Variants in HMGB3 observed in about 807,000 individuals in gnomAD.
The protein encoded by HMGB3 is high mobility group box 3.
In HMGB3, 1 loss-of-function variant was observed where a neutral mutation model predicts 12.9. The observed-to-expected ratio is 0.08, with a 90% CI of 0.03 to 0.37. The LOEUF (loss-of-function observed/expected upper bound fraction) is 0.37, where lower values mean the gene tolerates loss of function less well. HMGB3 is among the 10% of genes least tolerant of loss of function. HMGB3 has a pLI of 0.99. For missense variants in HMGB3, 74 were observed against 153.3 expected, an observed-to-expected ratio of 0.48 and a Z score of 2.73; for synonymous variants, 61 against 53.9, an observed-to-expected ratio of 1.13 and a Z score of -0.57.
chrX:150,984,252 A>G (rs1255718043), intron 1 of HMGB3, among the ~76,000 whole-genome samples: 2 of 88,493 alleles, frequency 2.3e-5, no homozygotes, highest in African/African-American at 4.1e-5. Context: ...CGCCTTTGTT[A>G]TCCCGAGGAG....
rs1227085397 is a variant in HMGB3, at chrX:150,990,501, C to T, written c.*2587C>T. 1 of 110,235 alleles carries T rather than the reference C, an allele frequency of 9.1e-6. No individual in the cohort carries two copies. Among genetic ancestry groups the T allele is most frequent in the African/African-American group, 3.3e-5 (1 of 30,276 alleles). 9.1% of individuals were successfully genotyped at this position (110,235 alleles called of 1,213,427 possible). A position where few individuals can be genotyped will look rare whatever the true frequency, so the allele number is the denominator to read the frequency against. ...GATGTTACCTAAGGCTTAGGCTTAG[C>T]TTGATTTCTGGGCCCACTGTCTGTG... On this transcript the variant is annotated 3_prime_UTR_variant, in exon 5 of 5. Coordinates refer to ENST00000325307, the MANE Select transcript of HMGB3 (RefSeq NM_005342.4).
intron 2 of HMGB3, 39 bp from the exon 3 acceptor site, chrX:150,986,012 C>T: frequency 6.7e-6 from 8 of 1,186,451 alleles, no homozygotes; most frequent in Non-Finnish European, 9.1e-6. Flanking sequence ...GGTATGTGTT[C>T]ACTGCATCGA....
At position 150,987,974 on chromosome X, in the gene HMGB3, C is replaced by T. The variant is rs781834650; in HGVS notation, c.*60C>T. On this transcript the variant is annotated 3_prime_UTR_variant, in exon 5 of 5. Transcript: ENST00000325307. ...GAGTAGGGGAGCGCCGTAATTGACA[C>T]ATCTCTTATTTGAGAAGTGTCTGTT... 3 of 1,136,983 alleles carry T rather than the reference C, an allele frequency of 2.6e-6. No homozygotes were observed. Among genetic ancestry groups the T allele is most frequent in the African/African-American group, 3.6e-5 (2 of 55,326 alleles). The allele number at this position is 1,136,983 out of a possible 1,213,427, so 93.7% of individuals were successfully genotyped here. A position where few individuals can be genotyped will look rare whatever the true frequency, so the allele number is the denominator to read the frequency against.
chrX:150,985,623 A>G lies in HMGB3; in HGVS notation c.24A>G (p.Lys8=). The G allele has an allele frequency of 8.3e-7, 1 of 1,199,264 alleles. No individual in the cohort carries two copies. The highest frequency in any genetic ancestry group is 1.1e-6 in the Non-Finnish European group (1 of 891,329). Residue 8 remains lysine (K), a synonymous_variant, in exon 2 of 5, where the codon AAA becomes AAG. Transcript: ENST00000325307. ...GGATGGCTAAAGGTGACCCCAAGAAACCAAAGGGCAAGATGTCCGCTTATG... is the reference window on the plus strand; with the variant it reads ...GGATGGCTAAAGGTGACCCCAAGAAGCCAAAGGGCAAGATGTCCGCTTATG... MAKGDPK[K]PKGKMSAYAF...
At chrX:150,985,776 T>C in intron 2 of HMGB3, 27 bp downstream of exon 2, 5 of 1,170,553 alleles carry the variant, frequency 4.3e-6, no homozygotes, top group Non-Finnish European at 5.8e-6. Context: ...CCCTTCAAAC[T>C]AGTCTTAGTT....
intron 3 of HMGB3, among the ~76,000 whole-genome samples, chrX:150,986,804 C>T (rs782266064): frequency 2.7e-5 from 3 of 110,561 alleles, no homozygotes; most frequent in South Asian, 3.9e-4. Flanking sequence ...CCACCATGCC[C>T]GGCTAATTTT....
chrX:150,982,719 A>C (rs1165254526), upstream of HMGB3, among the ~76,000 whole-genome samples: 1 of 113,344 alleles, frequency 8.8e-6, no homozygotes, highest in African/African-American at 3.2e-5. Flanking sequence ...GCAGAAGCGG[A>C]ATCAGGTGGC....
At position 150,989,858 on chromosome X, in the gene HMGB3, C is replaced by G. The variant is rs1483804242; in HGVS notation, c.*1944C>G. The G allele has an allele frequency of 8.9e-6, 1 of 111,890 alleles. No homozygotes were observed. The highest frequency in any genetic ancestry group is 1.9e-5 in the Non-Finnish European group (1 of 53,234). The allele number at this position is 111,890 out of a possible 1,213,427, so 9.2% of individuals were successfully genotyped here. On this transcript the variant is annotated 3_prime_UTR_variant, in exon 5 of 5. Transcript: ENST00000325307. ...GGTGTCCTCTCCGCCCTGTCGGGTC[C>G]TGGATGAGTACGAGTTATGGTCACG...
chrX:150,988,002 C>T lies in HMGB3; in HGVS notation c.*88C>T. 2.8e-6 allele frequency: 3 copies of T among 1,070,522 alleles called. No homozygotes were observed. Among genetic ancestry groups the T allele is most frequent in the Non-Finnish European group, 2.5e-6 (2 of 810,666 alleles). 88.2% of individuals were successfully genotyped at this position (1,070,522 alleles called of 1,213,427 possible). A position where few individuals can be genotyped will look rare whatever the true frequency, so the allele number is the denominator to read the frequency against. On this transcript the variant is annotated 3_prime_UTR_variant, in exon 5 of 5. Transcript: ENST00000325307. ...CTCTTATTTGAGAAGTGTCTGTTGC[C>T]CTCATTAGGTTTAATTACAAAATTT...
rs1557425337 is a variant in HMGB3 at position 150,989,265 on chromosome X, C to G, written c.*1351C>G. ...GAGCCTGCTGCTGGTCTCCTGGATG[C>G]CAGTGAGGGTATGTGGGATGGGGTG... On this transcript the variant is annotated 3_prime_UTR_variant, in exon 5 of 5. Transcript: ENST00000325307. 9.0e-6 allele frequency: 1 copy of G among 111,049 alleles called. No individual in the cohort carries two copies. Among genetic ancestry groups the G allele is most frequent in the African/African-American group, 3.3e-5 (1 of 30,491 alleles). 9.2% of individuals were successfully genotyped at this position (111,049 alleles called of 1,213,427 possible). A position where few individuals can be genotyped will look rare whatever the true frequency, so the allele number is the denominator to read the frequency against.
chrX:150,986,012 C>G, intron 2 of HMGB3, 39 bp from the exon 3 acceptor site: 1 of 1,186,451 alleles, frequency 8.4e-7, no homozygotes, highest in South Asian at 1.9e-5. Flanking sequence ...GGTATGTGTT[C>G]ACTGCATCGA....
upstream of HMGB3, chrX:150,983,291 G>A (rs942813336): frequency 1.3e-6 from 1 of 755,590 alleles, no homozygotes; most frequent in Non-Finnish European, 1.6e-6. Context: ...CAATCAGGCG[G>A]CTCTCGTGGA....
chrX:150,987,884 A>AGAGGAG lies in HMGB3; in HGVS notation c.591_596dup (p.Glu197_Glu198dup), dbSNP rs782021512. On this transcript the variant is annotated inframe_insertion, in exon 5 of 5. Transcript: ENST00000325307. Reference sequence around the variant, plus strand: ...AAGATGAAGAAGAGGAGGAGGAAGAAGAGGAGGAGGAGGAGGAGGAGGATG... The same window carrying AGAGGAG: ...AAGATGAAGAAGAGGAGGAGGAAGAAGAGGAGGAGGAGGAGGAGGAGGAGGAGGATG... 22 of 1,177,123 alleles carry AGAGGAG rather than the reference A, an allele frequency of 1.9e-5. No individual in the cohort carries two copies. The highest frequency in any genetic ancestry group is 6.0e-5 in the East Asian group (2 of 33,447).
chrX:150,983,136 C>G, upstream of HMGB3: 1 of 259,029 alleles, frequency 3.9e-6, no homozygotes, highest in Non-Finnish European at 5.4e-6. Flanking sequence ...GTTTGGCCTC[C>G]GTAGCCGGCG....
chrX:150,990,392 A>G lies in HMGB3; in HGVS notation c.*2478A>G. The stretch of plus-strand genomic sequence containing the variant: ...GTCCATTAGCTGGGGCAGCAAGATC[A>G]CTACTCAACGTTTTCACACTGTGGC... On this transcript the variant is annotated 3_prime_UTR_variant, in exon 5 of 5. Coordinates refer to ENST00000325307, the MANE Select transcript of HMGB3 (RefSeq NM_005342.4). 8.9e-6 allele frequency: 1 copy of G among 112,094 alleles called. No homozygotes were observed. The highest frequency in any genetic ancestry group is 4.6e-3 in the Middle Eastern group (1 of 218). The allele number at this position is 112,094 out of a possible 1,213,427, so 9.2% of individuals were successfully genotyped here. A position where few individuals can be genotyped will look rare whatever the true frequency, so the allele number is the denominator to read the frequency against.
chrX:150,986,764 C>T (rs1557425248), intron 3 of HMGB3, among the ~76,000 whole-genome samples: 1 of 111,081 alleles, frequency 9.0e-6, no homozygotes, highest in African/African-American at 3.3e-5. Context: ...CTGCCTCAGC[C>T]TCCTGAGTAG....
Position 150,989,808 on chromosome X carries a change from T to C in HMGB3, c.*1894T>C, listed in dbSNP as rs1421774746. ...AGCAGCTTTTTCTTAAAATTCACTGTTGAGAAACTTGCATGTCTGGAGGCG... is the reference window on the plus strand; with the variant it reads ...AGCAGCTTTTTCTTAAAATTCACTGCTGAGAAACTTGCATGTCTGGAGGCG... On this transcript the variant is annotated 3_prime_UTR_variant, in exon 5 of 5. Coordinates refer to ENST00000325307, the MANE Select transcript of HMGB3 (RefSeq NM_005342.4). The C allele has an allele frequency of 4.5e-5, 5 of 111,809 alleles. No homozygotes were observed. The highest frequency in any genetic ancestry group is 1.6e-4 in the African/African-American group (5 of 30,750). The allele number at this position is 111,809 out of a possible 1,213,427, so 9.2% of individuals were successfully genotyped here.
At position 150,987,912 on chromosome X, in the gene HMGB3, T is replaced by A; in HGVS notation, c.601T>A (p.Ter201LysextTer9). ...EEEEEEEEDE* is the reference protein window; with the variant it reads ...EEEEEEEEDEK ...GGAGGAGGAGGAGGAGGAGGATGAA[T>A]AAAGAAACTGTTTATCTGTCTCCTT... Residue 201 changes from the stop codon to lysine, a stop_lost, in exon 5 of 5, where the codon TAA (stop) becomes AAA (lysine). Coordinates refer to ENST00000325307, the MANE Select transcript of HMGB3 (RefSeq NM_005342.4). 1 of 1,189,678 alleles carries A rather than the reference T, an allele frequency of 8.4e-7. No homozygotes were observed. Among genetic ancestry groups the A allele is most frequent in the Non-Finnish European group, 1.1e-6 (1 of 888,441 alleles).
rs1205541704 is a variant in HMGB3, at chrX:150,988,176, TCTC to T, written c.*266_*268del. 5 of 279,020 alleles carry T rather than the reference TCTC, an allele frequency of 1.8e-5. No individual in the cohort carries two copies. The highest frequency in any genetic ancestry group is 5.4e-5 in the East Asian group (1 of 18,415). 23.0% of individuals were successfully genotyped at this position (279,020 alleles called of 1,213,427 possible). Reference sequence around the variant, plus strand: ...TTAAAATGAAAAGGCACTCTCGTGTTCTCCTCACTCTGTGCACTTTGCTGTTGG... The same window carrying T: ...TTAAAATGAAAAGGCACTCTCGTGTTCTCACTCTGTGCACTTTGCTGTTGG... On this transcript the variant is annotated 3_prime_UTR_variant, in exon 5 of 5. Coordinates refer to ENST00000325307, the MANE Select transcript of HMGB3 (RefSeq NM_005342.4).
Sources: allele counts gnomAD v4.1 joint callset (sites outside exome capture counted in the v4.1 genomes callset), GRCh38; gene constraint gnomAD v4.1.1; transcripts MANE v1.5; gene names NCBI Gene and HGNC (gene_info 2026-07-23, HGNC 2026-07-21).